The following EPB41L3 variants were observed in gnomAD, a reference collection of about 807,000 sequenced individuals.
EPB41L3 encodes erythrocyte membrane protein band 4.1 like 3, also known as band 4.1-like protein 3.
Under a neutral mutation model 127.1 loss-of-function variants are expected in EPB41L3, and 57 were observed. That is an observed-to-expected ratio of 0.45 (90% confidence interval 0.36 to 0.56). The LOEUF (loss-of-function observed/expected upper bound fraction) is 0.56, where lower values mean the gene tolerates loss of function less well. Ranked by LOEUF, EPB41L3 falls within the 20% of genes least tolerant of loss-of-function variation. The pLI, the probability that EPB41L3 is intolerant of heterozygous loss-of-function variation, is 0.00. For missense variants in EPB41L3, 1,273 were observed against 1,372.2 expected (o/e 0.93, Z 1.14); for synonymous variants, 572 against 549.5 (o/e 1.04, Z -0.57).
At chr18:5,481,856 G>A (rs998148102) in intron 2 of EPB41L3, among the ~76,000 whole-genome samples, 1 of 152,178 alleles carries the variant, frequency 6.6e-6, no homozygotes, top group Non-Finnish European at 1.5e-5. Context: ...AGGCCACCTA[G>A]CGCCAAAGAG....
chr18:5,512,547 T>C (rs956132177), intron 1 of EPB41L3, among the ~76,000 whole-genome samples: 1 of 152,086 alleles, frequency 6.6e-6, no homozygotes, highest in African/African-American at 2.4e-5. Context: ...ACAATAAAGG[T>C]AGATTGGTGT....
At chr18:5,564,566 G>A (rs561750452) in intron 3 of EPB41L3, among the ~76,000 whole-genome samples, 1 of 152,258 alleles carries the variant, frequency 6.6e-6, no homozygotes, top group African/African-American at 2.4e-5. Flanking sequence ...GAGGAGAGGG[G>A]ATCAAGGCAC....
intron 16 of EPB41L3, among the ~76,000 whole-genome samples, chr18:5,404,367 C>A (rs1206067621): frequency 6.6e-6 from 1 of 152,202 alleles, no homozygotes; most frequent in Non-Finnish European, 1.5e-5. Flanking sequence ...ACGCTGAAAG[C>A]AGTGAGTATG....
chr18:5,471,663 C>T (rs936166388), intron 3 of EPB41L3, among the ~76,000 whole-genome samples: 3 of 152,178 alleles, frequency 2.0e-5, no homozygotes, highest in Non-Finnish European at 4.4e-5. Context: ...TGGAGCAGAG[C>T]GTTTACCTGT....
chr18:5,542,965 C>T (rs2093777566), intron 1 of EPB41L3, among the ~76,000 whole-genome samples: 1 of 152,150 alleles, frequency 6.6e-6, no homozygotes, highest in Non-Finnish European at 1.5e-5. Context: ...GACCCCAACT[C>T]CAGCGGTCCG....
intron 1 of EPB41L3, among the ~76,000 whole-genome samples, chr18:5,628,551 C>T (rs2094949729): frequency 1.3e-5 from 2 of 152,252 alleles, no homozygotes; most frequent in African/African-American, 2.4e-5. Flanking sequence ...AGCCCGGCGT[C>T]TTCCCTTTCC....
chr18:5,480,154 C>T (rs560132175), intron 2 of EPB41L3: 3 of 152,280 alleles, frequency 2.0e-5, no homozygotes, highest in Non-Finnish European at 4.4e-5. Context: ...TGAGAACAAG[C>T]TTCTGGGTTA....
In EPB41L3 at chr18:5,489,178, C is replaced by T. The variant is rs766473871; in HGVS notation, c.6G>A (p.Thr2=). The T allele has an allele frequency of 6.9e-6, 11 of 1,593,736 alleles. No individual in the cohort carries two copies. Among genetic ancestry groups the T allele is most frequent in the Non-Finnish European group, 8.5e-6 (10 of 1,174,172 alleles). The change falls in exon 2 of 23, where the codon ACG becomes ACA. Residue 2 remains threonine (T), a synonymous_variant. Transcript: ENST00000341928. ...ATTCCGAGTCTGATCCAGATTCGGT[C>T]GTCATGGTTGATTGTTCTGCAAGCA... is the stretch of plus-strand genomic sequence containing the variant. M[T]TESGSDSESK... is the part of the protein sequence containing the mutation.
In EPB41L3 at chr18:5,543,162, G is replaced by A. The variant is rs1001841705; in HGVS notation, c.-12+751C>T. 2.6e-5 allele frequency among the ~76,000 whole-genome samples: 4 copies of A among 151,186 alleles called. No homozygotes were observed. The highest frequency in any genetic ancestry group is 7.3e-5 in the African/African-American group (3 of 41,346). ...CGGGTGCCAGAGGCGAGGGGCCCCG[G>A]CAGGTGCCCAGGCCCAGGGCAACCC... On this transcript the variant is annotated intron_variant, in intron 1 of 22. Transcript: ENST00000341928. The surrounding 1 kb of genome is among the most constrained non-coding windows in gnomAD (Gnocchi z 5.2).
chr18:5,485,217 C>T (rs1320573735), intron 2 of EPB41L3, among the ~76,000 whole-genome samples: 2 of 151,994 alleles, frequency 1.3e-5, no homozygotes, highest in East Asian at 1.9e-4. Flanking sequence ...AAACATGATA[C>T]ATCACATTAA....
chr18:5,427,358 A>G (rs1261072142), intron 9 of EPB41L3, among the ~76,000 whole-genome samples: 1 of 152,208 alleles, frequency 6.6e-6, no homozygotes, highest in Non-Finnish European at 1.5e-5. Flanking sequence ...TTTATTAACT[A>G]TCTCTTAAGT....
intron 3 of EPB41L3, among the ~76,000 whole-genome samples, chr18:5,580,983 C>T (rs1409363510): frequency 6.6e-6 from 1 of 152,212 alleles, no homozygotes; most frequent in Non-Finnish European, 1.5e-5. Flanking sequence ...CTTATTGTAT[C>T]TCAGTTTCTG....
chr18:5,402,811 G>A (rs77783021), intron 16 of EPB41L3, among the ~76,000 whole-genome samples: 87 of 152,178 alleles, frequency 5.7e-4, no homozygotes, highest in East Asian at 9.7e-4. Flanking sequence ...CTATACTGGC[G>A]CACAAAATTC....
chr18:5,542,369 A>T (rs1210590881), intron 1 of EPB41L3, among the ~76,000 whole-genome samples: 1 of 152,218 alleles, frequency 6.6e-6, no homozygotes, highest in South Asian at 2.1e-4. Context: ...GTTTTTAAGC[A>T]CTTGGTGTGA....
intron 1 of EPB41L3, among the ~76,000 whole-genome samples, chr18:5,536,065 G>A (rs973909296): frequency 1.3e-5 from 2 of 152,070 alleles, no homozygotes; most frequent in Non-Finnish European, 2.9e-5. Flanking sequence ...GAGAATGATG[G>A]GCACCCAGGA....
intron 1 of EPB41L3, among the ~76,000 whole-genome samples, chr18:5,522,111 T>C (rs1019070458): frequency 6.6e-6 from 1 of 152,132 alleles, no homozygotes. Context: ...TATTTATTTA[T>C]TTATTTTTTA....
chr18:5,553,605 GA>G (rs1417994108), intron 3 of EPB41L3, among the ~76,000 whole-genome samples: 1 of 152,208 alleles, frequency 6.6e-6, no homozygotes, highest in Admixed American at 6.5e-5. Context: ...AAGAGTTTGA[GA>G]AAAAGGGCAA....
intron 3 of EPB41L3, among the ~76,000 whole-genome samples, chr18:5,596,695 C>T (rs1306937671): frequency 6.6e-6 from 1 of 152,098 alleles, no homozygotes; most frequent in Non-Finnish European, 1.5e-5. Flanking sequence ...TCTTTTTCTT[C>T]CTCTAAATGA....
At chr18:5,563,168 T>C (rs1242120750) in intron 3 of EPB41L3, among the ~76,000 whole-genome samples, 1 of 152,100 alleles carries the variant, frequency 6.6e-6, no homozygotes, top group African/African-American at 2.4e-5. Flanking sequence ...AAATAGTCAT[T>C]AGTATGGGGA....
Sources: allele counts gnomAD v4.1 joint callset (sites outside exome capture counted in the v4.1 genomes callset), GRCh38; gene constraint gnomAD v4.1.1; non-coding constraint Gnocchi (gnomAD v3.1); transcripts MANE v1.5; gene names NCBI Gene and HGNC (gene_info 2026-07-23, HGNC 2026-07-21).